JAKMIP1: variants seen among roughly 807,000 people sequenced by gnomAD.
The protein encoded by JAKMIP1 is janus kinase and microtubule-interacting protein 1.
In JAKMIP1, 33 loss-of-function variants were observed where a neutral mutation model predicts 113.0. The observed-to-expected ratio is 0.29, with a 90% CI of 0.22 to 0.39. The LOEUF is 0.39. Among genes scored for constraint, JAKMIP1 ranks in the 10% least tolerant of loss-of-function variants. The probability of loss-of-function intolerance (pLI) is 1.00; values close to 1 mark genes in which losing one functional copy is unlikely to be tolerated. For synonymous variants in JAKMIP1, 480 were observed against 459.9 expected (o/e 1.04, Z -0.56); for missense variants, 813 against 1,080.5 (o/e 0.75, Z 3.47).
At position 6,137,073 on chromosome 4, in the gene JAKMIP1, G is replaced by A. The variant is rs961058763; in HGVS notation, c.-147-24076C>T. Among the ~76,000 whole-genome samples the A allele has an allele frequency of 6.6e-6, 1 of 151,942 alleles. No individual in the cohort carries two copies. The highest frequency in any genetic ancestry group is 2.1e-4 in the South Asian group (1 of 4,804). ...CAAACTCCTACACGGTGTCCCCTCC[G>A]ATGTGCCCCCACCGAGGGAATAATC... On this transcript the variant is annotated intron_variant, in intron 1 of 20. Transcript: ENST00000409021. This position sits in a 1 kb window ranked among gnomAD's most constrained non-coding sequence, Gnocchi z 4.5.
At chr4:6,171,601 G>A (rs1162541575) in intron 1 of JAKMIP1, among the ~76,000 whole-genome samples, 2 of 152,168 alleles carry the variant, frequency 1.3e-5, no homozygotes, top group African/African-American at 4.8e-5. Flanking sequence ...CCCCCCCCAA[G>A]TATGTGTCTA....
At position 6,049,754 on chromosome 4, in the gene JAKMIP1, G is replaced by T; in HGVS notation, c.1962+65C>A. ...AAATTAAAAACAAAACAAAACAAAA[G>T]TCACACAGAATACACCCAGATCAAA... On this transcript the variant is annotated intron_variant, in intron 15 of 20. Coordinates refer to ENST00000409021, the MANE Select transcript of JAKMIP1 (RefSeq NM_001099433.2). This position sits in a 1 kb window ranked among gnomAD's most constrained non-coding sequence, Gnocchi z 7.0. 3 of 1,214,810 alleles carry T rather than the reference G, an allele frequency of 2.5e-6. No homozygotes were observed. The highest frequency in any genetic ancestry group is 1.3e-5 in the South Asian group (1 of 79,742). 75.3% of individuals were successfully genotyped at this position (1,214,810 alleles called of 1,614,324 possible).
At position 6,139,196 on chromosome 4, in the gene JAKMIP1, T is replaced by C. The variant is rs1719728956; in HGVS notation, c.-147-26199A>G. Among the ~76,000 whole-genome samples, 1 of 122,458 alleles carries C rather than the reference T, an allele frequency of 8.2e-6. No individual in the cohort carries two copies. The highest frequency in any genetic ancestry group is 9.4e-5 in the Admixed American group (1 of 10,668). 80.3% of individuals were successfully genotyped at this position (122,458 alleles called of 152,430 possible). ...TTAACCTGCTTTGGGAGGGTTCCCA[T>C]GGGCTCCAGAAACTTTCACTATTTA... On this transcript the variant is annotated intron_variant, in intron 1 of 20. Transcript: ENST00000409021. This position sits in a 1 kb window ranked among gnomAD's most constrained non-coding sequence, Gnocchi z 5.2.
In JAKMIP1 at chr4:6,185,095, C is replaced by A. The variant is rs1250618782; in HGVS notation, c.-148+15158G>T. Among the ~76,000 whole-genome samples, 1 of 152,224 alleles carries A rather than the reference C, an allele frequency of 6.6e-6. No individual in the cohort carries two copies. The highest frequency in any genetic ancestry group is 1.9e-4 in the East Asian group (1 of 5,190). On this transcript the variant is annotated intron_variant, in intron 1 of 20. Coordinates refer to ENST00000409021, the MANE Select transcript of JAKMIP1 (RefSeq NM_001099433.2). The surrounding 1 kb of genome is among the most constrained non-coding windows in gnomAD (Gnocchi z 5.3). Reference sequence around the variant, plus strand: ...CTTGGGCCACTGACTGAAGGCTGCACTGTCAGCTTCCTTACTTTTGAGGTT... The same window carrying A: ...CTTGGGCCACTGACTGAAGGCTGCAATGTCAGCTTCCTTACTTTTGAGGTT...
rs187691268 is a variant in JAKMIP1, at chr4:6,094,669, A to C, written c.625-9040T>G. Among the ~76,000 whole-genome samples, 5 of 152,352 alleles carry C rather than the reference A, an allele frequency of 3.3e-5. No individual in the cohort carries two copies. The highest frequency in any genetic ancestry group is 1.2e-4 in the African/African-American group (5 of 41,594). On this transcript the variant is annotated intron_variant, in intron 3 of 20. Coordinates refer to ENST00000409021, the MANE Select transcript of JAKMIP1 (RefSeq NM_001099433.2). This position sits in a 1 kb window ranked among gnomAD's most constrained non-coding sequence, Gnocchi z 4.2. ...TTTCAAAAATAAAGTTTTAACTCTT[A>C]TTAGGAAAGGAATGCAGATCCATTA...
chr4:6,100,280 G>C (rs1171265905), intron 3 of JAKMIP1, among the ~76,000 whole-genome samples: 1 of 152,106 alleles, frequency 6.6e-6, no homozygotes, highest in African/African-American at 2.4e-5. Context: ...TATAGATTTG[G>C]ATATATAGAT....
At chr4:6,066,947 C>T (rs571624892) in intron 8 of JAKMIP1, among the ~76,000 whole-genome samples, 13 of 152,268 alleles carry the variant, frequency 8.5e-5, no homozygotes, top group African/African-American at 2.2e-4. Flanking sequence ...CGCTCCGAGA[C>T]GCTCTTCCCC....
intron 1 of JAKMIP1, among the ~76,000 whole-genome samples, chr4:6,198,898 A>AG (rs1357039349): frequency 6.6e-6 from 1 of 152,200 alleles, no homozygotes. Context: ...ACTCTGACTT[A>AG]GGGGGGATGG....
chr4:6,190,499 C>T (rs1727137790), intron 1 of JAKMIP1, among the ~76,000 whole-genome samples: 1 of 152,176 alleles, frequency 6.6e-6, no homozygotes, highest in Admixed American at 6.5e-5. Context: ...CCCGCCACTG[C>T]CATTTCCACC....
intron 1 of JAKMIP1, among the ~76,000 whole-genome samples, chr4:6,128,949 G>A (rs555204909): frequency 1.3e-5 from 2 of 152,296 alleles, no homozygotes; most frequent in East Asian, 3.9e-4. Flanking sequence ...TGCCTTGCCC[G>A]GCCCCTGGCC....
In JAKMIP1 at chr4:6,067,700, A is replaced by C. The variant is rs1457906698; in HGVS notation, c.1303-2692T>G. Among the ~76,000 whole-genome samples the C allele has an allele frequency of 1.3e-5, 2 of 150,650 alleles. No homozygotes were observed. Among genetic ancestry groups the C allele is most frequent in the Admixed American group, 6.6e-5 (1 of 15,124 alleles). On this transcript the variant is annotated intron_variant, in intron 8 of 20. Transcript: ENST00000409021. This position sits in a 1 kb window ranked among gnomAD's most constrained non-coding sequence, Gnocchi z 4.6. ...CAGGTTCACTCAAGCTCTTCTGCAC[A>C]CACAGGTCACCCCCCTGAGCTCCAC...
intron 20 of JAKMIP1, among the ~76,000 whole-genome samples, chr4:6,026,866 ATT>A (rs370379960): frequency 5.7e-5 from 8 of 140,702 alleles, no homozygotes; most frequent in East Asian, 2.2e-4. Context: ...ATTTCTTTGC[ATT>A]TTTTTTTTTT....
intron 8 of JAKMIP1, among the ~76,000 whole-genome samples, chr4:6,078,485 C>CCAG (rs1343288173): frequency 6.6e-6 from 1 of 150,582 alleles, no homozygotes; most frequent in African/African-American, 2.4e-5. Flanking sequence ...TTTTATAAGC[C>CCAG]CAGCTCCTTC....
chr4:6,177,715 T>TAATAATGGG (rs1725522068), intron 1 of JAKMIP1, among the ~76,000 whole-genome samples: 1 of 152,150 alleles, frequency 6.6e-6, no homozygotes, highest in Non-Finnish European at 1.5e-5. Flanking sequence ...ATACTAATAA[T>TAATAATGGG]GGCTGCATCC....
rs140607390 is a variant in JAKMIP1, at chr4:6,044,063, C to T, written c.2029-1836G>A. On this transcript the variant is annotated intron_variant, in intron 16 of 20. Coordinates refer to ENST00000409021, the MANE Select transcript of JAKMIP1 (RefSeq NM_001099433.2). The surrounding 1 kb of genome is among the most constrained non-coding windows in gnomAD (Gnocchi z 4.4). ...TAACAAGCTAGCATCACTCAGTCTT[C>T]AGGCCCTGAGCTAGCTGTCACCTCC... Among the ~76,000 whole-genome samples, 6 of 152,180 alleles carry T rather than the reference C, an allele frequency of 3.9e-5. No individual in the cohort carries two copies. The highest frequency in any genetic ancestry group is 8.8e-5 in the Non-Finnish European group (6 of 68,004).
chr4:6,170,002 ACCAC>A (rs1724190116), intron 1 of JAKMIP1, among the ~76,000 whole-genome samples: 3 of 133,386 alleles, frequency 2.2e-5, no homozygotes, highest in African/African-American at 9.0e-5. Flanking sequence ...CACCACCACC[ACCAC>A]CACCCTCACC....
At position 6,180,218 on chromosome 4, in the gene JAKMIP1, A is replaced by T. The variant is rs866307515; in HGVS notation, c.-148+20035T>A. 6.6e-6 allele frequency among the ~76,000 whole-genome samples: 1 copy of T among 152,210 alleles called. No homozygotes were observed. The highest frequency in any genetic ancestry group is 1.5e-5 in the Non-Finnish European group (1 of 68,038). ...CACCAACTTCAATTCCCCACCAAAC[A>T]TACCCACAAACAGAAATAATTTCTG... On this transcript the variant is annotated intron_variant, in intron 1 of 20. Coordinates refer to ENST00000409021, the MANE Select transcript of JAKMIP1 (RefSeq NM_001099433.2). This position sits in a 1 kb window ranked among gnomAD's most constrained non-coding sequence, Gnocchi z 4.5.
intron 1 of JAKMIP1, among the ~76,000 whole-genome samples, chr4:6,175,408 C>G (rs4689355): frequency 6.6e-6 from 1 of 152,020 alleles, no homozygotes; most frequent in African/African-American, 2.4e-5. Context: ...AGCAGTTCAG[C>G]GCTGGGAGTA....
At chr4:6,175,039 T>G (rs893114854) in intron 1 of JAKMIP1, among the ~76,000 whole-genome samples, 3 of 152,082 alleles carry the variant, frequency 2.0e-5, no homozygotes, top group African/African-American at 7.2e-5. Context: ...GCCCTGCAGG[T>G]AAAAACCAAA....
Sources: gnomAD v4.1 joint callset for allele counts (sites outside exome capture counted in the v4.1 genomes callset) on GRCh38, gnomAD v4.1.1 for gene constraint, Gnocchi (gnomAD v3.1) non-coding constraint, MANE v1.5 for transcripts, NCBI Gene and HGNC (gene_info 2026-07-23, HGNC 2026-07-21) for gene names.